Variants in SAR1A observed in about 807,000 individuals in gnomAD.
SAR1A encodes the protein small COPII coat GTPase SAR1A.
SAR1A carries 6 observed loss-of-function variants against 22.6 expected under a neutral mutation model. That is an observed-to-expected ratio of 0.27 (90% confidence interval 0.15 to 0.52). The LOEUF (loss-of-function observed/expected upper bound fraction) is 0.52, where lower values mean the gene tolerates loss of function less well. Among genes scored for constraint, SAR1A ranks in the 20% least tolerant of loss-of-function variants. The probability of loss-of-function intolerance (pLI) is 0.96; values close to 1 mark genes in which losing one functional copy is unlikely to be tolerated. For missense variants in SAR1A, 145 were observed against 245.1 expected, an observed-to-expected ratio of 0.59 and a Z score of 2.73; for synonymous variants, 70 against 82.2, an observed-to-expected ratio of 0.85 and a Z score of 0.80.
chr10:70,152,818 T>C (rs1050234783), intron 6 of SAR1A, among the ~76,000 whole-genome samples: 1 of 152,196 alleles, frequency 6.6e-6, no homozygotes, highest in Non-Finnish European at 1.5e-5. Flanking sequence ...CTGAAGAGCA[T>C]TTGCTTTGAA....
intron 4 of SAR1A, among the ~76,000 whole-genome samples, chr10:70,159,231 TTAC>T (rs1839432608): frequency 6.6e-6 from 1 of 152,204 alleles, no homozygotes; most frequent in East Asian, 1.9e-4. Context: ...CCTCTTTTCT[TTAC>T]TGGTATTTTA....
In SAR1A at chr10:70,148,478, C is replaced by T. The variant is rs1839289795; in HGVS notation, c.*3998G>A. On this transcript the variant is annotated 3_prime_UTR_variant, in exon 7 of 7. Coordinates refer to ENST00000373241, the MANE Select transcript of SAR1A (RefSeq NM_020150.5). The stretch of plus-strand genomic sequence containing the variant: ...TCACAGCACAATTTCTTTATCCCAA[C>T]TTCCTAGCAATCAAAGAGTTTTTCT... 6.6e-6 allele frequency: 1 copy of T among 152,152 alleles called. No individual in the cohort carries two copies. The highest frequency in any genetic ancestry group is 1.5e-5 in the Non-Finnish European group (1 of 68,030). 9.4% of individuals were successfully genotyped at this position (152,152 alleles called of 1,614,324 possible). A position where few individuals can be genotyped will look rare whatever the true frequency, so the allele number is the denominator to read the frequency against.
intron 1 of SAR1A, among the ~76,000 whole-genome samples, chr10:70,167,154 T>C (rs1440519556): frequency 6.6e-6 from 1 of 152,192 alleles, no homozygotes; most frequent in African/African-American, 2.4e-5. Context: ...ATATTGGTAA[T>C]AAGCAAAATG....
intron 4 of SAR1A, among the ~76,000 whole-genome samples, chr10:70,158,087 G>T (rs544399990): frequency 6.6e-6 from 1 of 152,154 alleles, no homozygotes; most frequent in African/African-American, 2.4e-5. Flanking sequence ...CAGAGTTTCC[G>T]CTTTTTTTGA....
rs1181354173 is a variant in SAR1A, at chr10:70,147,431, G to T, written c.*5045C>A. ...AGAATGGAAACAGTTCCAGTTTGGGGGGACCATACAACTTGTCTCAAATAG... is the reference window on the plus strand; with the variant it reads ...AGAATGGAAACAGTTCCAGTTTGGGTGGACCATACAACTTGTCTCAAATAG... On this transcript the variant is annotated 3_prime_UTR_variant, in exon 7 of 7. Coordinates refer to ENST00000373241, the MANE Select transcript of SAR1A (RefSeq NM_020150.5). 6.6e-6 allele frequency: 1 copy of T among 152,146 alleles called. No homozygotes were observed. Among genetic ancestry groups the T allele is most frequent in the Non-Finnish European group, 1.5e-5 (1 of 68,030 alleles). 9.4% of individuals were successfully genotyped at this position (152,146 alleles called of 1,614,324 possible). A position where few individuals can be genotyped will look rare whatever the true frequency, so the allele number is the denominator to read the frequency against.
At position 70,160,016 on chromosome 10, in the gene SAR1A, T is replaced by C. The variant is rs375580996; in HGVS notation, c.244+988A>G. Among the ~76,000 whole-genome samples the C allele has an allele frequency of 1.3e-3, 198 of 152,322 alleles. 4 individuals carry two copies. In the South Asian group the frequency reaches 0.03, roughly 23 times the overall value. ...CAACTTGTATCAGAGTAATCACACA[T>C]AGTCACTGTATTACTTTTGCAACTT... On this transcript the variant is annotated intron_variant, in intron 4 of 6. Coordinates refer to ENST00000373241, the MANE Select transcript of SAR1A (RefSeq NM_020150.5).
intron 4 of SAR1A, 114 bp downstream of exon 4, chr10:70,160,890 A>C: frequency 1.5e-6 from 1 of 670,898 alleles, no homozygotes; most frequent in South Asian, 2.2e-5. Flanking sequence ...TAAGATCCTA[A>C]TTCTAAAATG....
intron 5 of SAR1A, 103 bp from the exon 6 acceptor site, chr10:70,154,072 G>T: frequency 1.2e-6 from 1 of 837,864 alleles, no homozygotes; most frequent in Non-Finnish European, 1.8e-6. Context: ...AATCTTTTAA[G>T]GCATTAATGT....
At chr10:70,155,593 G>A (rs1483834471) in intron 5 of SAR1A, among the ~76,000 whole-genome samples, 1 of 152,194 alleles carries the variant, frequency 6.6e-6, no homozygotes, top group Non-Finnish European at 1.5e-5. Flanking sequence ...TTAGTTCATA[G>A]TCTGATGAGA....
At chr10:70,170,313 A>ACCCC (rs964873806) in intron 1 of SAR1A, 100 bp downstream of exon 1, 3 of 91,646 alleles carry the variant, frequency 3.3e-5, no homozygotes, top group African/African-American at 5.5e-5. Flanking sequence ...CTTCCCCCCC[A>ACCCC]CCCAACCCCG....
chr10:70,159,760 G>A (rs10999166), intron 4 of SAR1A, among the ~76,000 whole-genome samples: 1 of 152,190 alleles, frequency 6.6e-6, no homozygotes, highest in Non-Finnish European at 1.5e-5. Flanking sequence ...TACTTTCCCA[G>A]AATATTTATT....
In SAR1A at chr10:70,147,522, T is replaced by G. The variant is rs926930096; in HGVS notation, c.*4954A>C. 1 of 152,212 alleles carries G rather than the reference T, an allele frequency of 6.6e-6. No individual in the cohort carries two copies. Among genetic ancestry groups the G allele is most frequent in the Admixed American group, 6.5e-5 (1 of 15,284 alleles). 9.4% of individuals were successfully genotyped at this position (152,212 alleles called of 1,614,324 possible). A position where few individuals can be genotyped will look rare whatever the true frequency, so the allele number is the denominator to read the frequency against. ...CGGTGGCTGTGTCCCAATAAAAAGA[T>G]ACAGACATTGAAATTTTAATTTCAT... On this transcript the variant is annotated 3_prime_UTR_variant, in exon 7 of 7. Transcript: ENST00000373241.
At chr10:70,169,942 G>A (rs1231622635) in intron 1 of SAR1A, among the ~76,000 whole-genome samples, 1 of 152,176 alleles carries the variant, frequency 6.6e-6, no homozygotes, top group African/African-American at 2.4e-5. Context: ...GCTGACTTGG[G>A]GGTAAGCCCT....
intron 5 of SAR1A, among the ~76,000 whole-genome samples, chr10:70,155,909 T>G (rs1236453672): frequency 1.3e-5 from 2 of 152,098 alleles, no homozygotes; most frequent in Admixed American, 6.5e-5. Flanking sequence ...TGCAAAAGAT[T>G]TATAGATTTT....
Position 70,148,699 on chromosome 10 carries a change from A to G in SAR1A, c.*3777T>C, listed in dbSNP as rs989048660. On this transcript the variant is annotated 3_prime_UTR_variant, in exon 7 of 7. Transcript: ENST00000373241. The stretch of plus-strand genomic sequence containing the variant: ...AAGCTACTTGGGAGGCTGAGATGGG[A>G]GGATCACTTAAGCCCAGGAGGTCAA... The G allele has an allele frequency of 6.6e-6, 1 of 152,302 alleles. No individual in the cohort carries two copies. The highest frequency in any genetic ancestry group is 1.9e-4 in the East Asian group (1 of 5,186). The allele number at this position is 152,302 out of a possible 1,614,324, so 9.4% of individuals were successfully genotyped here.
chr10:70,160,899 T>C (rs903672559), intron 4 of SAR1A, 105 bp downstream of exon 4: 21 of 684,910 alleles, frequency 3.1e-5, no homozygotes, highest in Non-Finnish European at 4.5e-5. Flanking sequence ...AATTCTAAAA[T>C]GTAAGTAATT....
At chr10:70,170,005 G>C (rs986552567) in intron 1 of SAR1A, among the ~76,000 whole-genome samples, 2 of 152,132 alleles carry the variant, frequency 1.3e-5, no homozygotes, top group Non-Finnish European at 2.9e-5. Context: ...TAACTGCGGA[G>C]CCTTGGCCAG....
At chr10:70,168,151 T>C (rs1462504219) in intron 1 of SAR1A, among the ~76,000 whole-genome samples, 1 of 152,202 alleles carries the variant, frequency 6.6e-6, no homozygotes. Flanking sequence ...TCCAAGTAGC[T>C]AAATCCCGGC....
chr10:70,162,093 A>G (rs546967895), intron 1 of SAR1A, among the ~76,000 whole-genome samples, 162 bp from the exon 2 acceptor site: 1 of 152,140 alleles, frequency 6.6e-6, no homozygotes, highest in African/African-American at 2.4e-5. Context: ...GAATCCCAGC[A>G]TTTGGGAAAG....
Sources: allele counts gnomAD v4.1 joint callset (sites outside exome capture counted in the v4.1 genomes callset), GRCh38; gene constraint gnomAD v4.1.1; transcripts MANE v1.5; gene names NCBI Gene and HGNC (gene_info 2026-07-23, HGNC 2026-07-21).